The following PLCD4 variants were observed in gnomAD, a reference collection of about 807,000 sequenced individuals.
The protein encoded by PLCD4 is 1-phosphatidylinositol 4,5-bisphosphate phosphodiesterase delta-4.
PLCD4 carries 63 observed loss-of-function variants against 90.2 expected under a neutral mutation model. That is an observed-to-expected ratio of 0.70 (90% CI 0.57 to 0.86). The LOEUF is 0.86. Ranked by LOEUF, PLCD4 falls within the 40% of genes least tolerant of loss-of-function variation. The pLI, the probability that PLCD4 is intolerant of heterozygous loss-of-function variation, is 0.00. For missense variants in PLCD4, 830 were observed against 956.3 expected (o/e 0.87, Z 1.74); for synonymous variants, 294 against 356.5 (o/e 0.82, Z 1.97).
In PLCD4 at chr2:218,636,884, A is replaced by G. The variant is rs1040524618; in HGVS notation, c.*307A>G. Reference sequence around the variant, plus strand: ...GGCTCAATCCCATACCGACATCTACAACTAATCTTTCCCATCAACTCTGTG... The same window carrying G: ...GGCTCAATCCCATACCGACATCTACGACTAATCTTTCCCATCAACTCTGTG... On this transcript the variant is annotated 3_prime_UTR_variant, in exon 16 of 16. Coordinates refer to ENST00000450993, the MANE Select transcript of PLCD4 (RefSeq NM_032726.4). 2.1e-6 allele frequency: 1 copy of G among 485,514 alleles called. No homozygotes were observed. Among genetic ancestry groups the G allele is most frequent in the Non-Finnish European group, 4.0e-6 (1 of 246,986 alleles). 30.1% of individuals were successfully genotyped at this position (485,514 alleles called of 1,614,324 possible).
chr2:218,619,349 A>G (rs1695770204), intron 4 of PLCD4, among the ~76,000 whole-genome samples: 1 of 151,818 alleles, frequency 6.6e-6, no homozygotes, highest in Non-Finnish European at 1.5e-5. Flanking sequence ...GCTGGAGTGC[A>G]GTAGCACAAT....
chr2:218,623,775 C>T (rs900445580), intron 6 of PLCD4, among the ~76,000 whole-genome samples: 4 of 152,164 alleles, frequency 2.6e-5, no homozygotes, highest in African/African-American at 7.2e-5. Context: ...CTCTGCCTCC[C>T]GGGTTCAAGC....
intron 1 of PLCD4, among the ~76,000 whole-genome samples, chr2:218,611,495 A>C (rs1313968376): frequency 6.6e-6 from 1 of 152,184 alleles, no homozygotes; most frequent in Non-Finnish European, 1.5e-5. Context: ...TGTGTCCCAG[A>C]GGTGGGAGCT....
intron 3 of PLCD4, among the ~76,000 whole-genome samples, chr2:218,617,594 CA>C (rs58704392): frequency 0.55 from 82,088 of 150,270 alleles, 22,829 homozygotes; most frequent in East Asian, 0.78. Flanking sequence ...CAAAATAAAA[CA>C]AAAAAAAAAT....
chr2:218,616,934 A>ATATATATATATATG (rs1199144362), intron 3 of PLCD4, among the ~76,000 whole-genome samples: 1 of 17,442 alleles, frequency 5.7e-5, no homozygotes, highest in Admixed American at 4.8e-4. Context: ...ATATAGAGAG[A>ATATATATATATATG]GAGAGAGAGA....
rs532015001 is a variant in PLCD4 at position 218,624,864 on chromosome 2, A to G, written c.772+1986A>G. ...TGTGGCTCATGCTTGGAATCCCAGC[A>G]CTTTGGGAGGCCGAGGCAGGAGGAT... is the stretch of plus-strand genomic sequence containing the variant. On this transcript the variant is annotated intron_variant, in intron 6 of 15. Transcript: ENST00000450993. Among the ~76,000 whole-genome samples the G allele has an allele frequency of 1.2e-3, 188 of 152,174 alleles. 1 individual carries two copies. The highest frequency in any genetic ancestry group is 4.3e-3 in the African/African-American group (179 of 41,544).
intron 1 of PLCD4, among the ~76,000 whole-genome samples, chr2:218,610,435 G>A (rs1034739643): frequency 1.3e-5 from 2 of 152,018 alleles, no homozygotes; most frequent in Non-Finnish European, 2.9e-5. Context: ...TTGAACCCAG[G>A]AGGCGGAGGT....
Position 218,635,932 on chromosome 2 carries a change from G to T in PLCD4, c.2032+1G>T. 6.2e-7 allele frequency: 1 copy of T among 1,614,052 alleles called. No individual in the cohort carries two copies. The highest frequency in any genetic ancestry group is 8.5e-7 in the Non-Finnish European group (1 of 1,179,908). ...GAGACCAACTATGTGGAGAACAATG[G>T]TGAGAAACTGGCAGTGCTGGGGAGG... On this transcript the variant is annotated splice_donor_variant, in intron 14 of 15. Transcript: ENST00000450993. LOFTEE classifies it high-confidence loss of function.
chr2:218,635,729 T>C, intron 13 of PLCD4, 67 bp from the exon 14 acceptor site: 2 of 1,547,642 alleles, frequency 1.3e-6, no homozygotes, highest in Non-Finnish European at 8.7e-7. Context: ...TCCCCTGGGG[T>C]TGGGAGTAGG....
At chr2:218,627,408 C>T (rs963469261) in intron 6 of PLCD4, among the ~76,000 whole-genome samples, 1 of 151,600 alleles carries the variant, frequency 6.6e-6, no homozygotes, top group African/African-American at 2.4e-5. Context: ...CAGAATAAAA[C>T]GTTTTTCTCT....
At chr2:218,612,490 C>G (rs1695383888) in intron 1 of PLCD4, among the ~76,000 whole-genome samples, 1 of 152,204 alleles carries the variant, frequency 6.6e-6, no homozygotes, top group African/African-American at 2.4e-5. Context: ...AGAGGCTTCT[C>G]TAGGCGGGGC....
At chr2:218,616,928 A>AT (rs57351654) in intron 3 of PLCD4, among the ~76,000 whole-genome samples, 1 of 10,442 alleles carries the variant, frequency 9.6e-5, no homozygotes, top group Non-Finnish European at 1.7e-4. Context: ...ATATATATAT[A>AT]GAGAGAGAGA....
chr2:218,633,078 T>C (rs541098314), intron 10 of PLCD4, among the ~76,000 whole-genome samples: 3 of 152,104 alleles, frequency 2.0e-5, no homozygotes, highest in Admixed American at 6.6e-5. Context: ...TGTCCAGGGA[T>C]GGAAATGGGA....
intron 1 of PLCD4, among the ~76,000 whole-genome samples, chr2:218,608,629 G>T (rs1171915570): frequency 1.3e-5 from 2 of 152,126 alleles, no homozygotes; most frequent in Non-Finnish European, 2.9e-5. Flanking sequence ...CTAGCTACGG[G>T]ACCTGGAGCC....
chr2:218,631,698 CAGG>C (rs1315025171), intron 9 of PLCD4, among the ~76,000 whole-genome samples: 2 of 150,884 alleles, frequency 1.3e-5, no homozygotes, highest in Non-Finnish European at 2.9e-5. Context: ...GAAGCTGAGG[CAGG>C]AGAATTGCTT....
Position 218,636,592 on chromosome 2 carries a change from G to C in PLCD4, c.*15G>C, listed in dbSNP as rs201287573. On this transcript the variant is annotated 3_prime_UTR_variant, in exon 16 of 16. Transcript: ENST00000450993. ...ATGAGTCCTGAGGTGGGCATTTCAC[G>C]GGAAGGGTTGGTGTGCTGGCTTTAG... The C allele has an allele frequency of 4.3e-6, 7 of 1,611,020 alleles. No individual in the cohort carries two copies. Among genetic ancestry groups the C allele is most frequent in the Non-Finnish European group, 5.9e-6 (7 of 1,177,496 alleles).
intron 3 of PLCD4, among the ~76,000 whole-genome samples, chr2:218,616,974 A>G (rs1438334640): frequency 1.8e-5 from 2 of 112,136 alleles, no homozygotes; most frequent in Admixed American, 9.0e-5. Flanking sequence ...AGAGAGAGAG[A>G]GAGAGAGAGA....
intron 3 of PLCD4, among the ~76,000 whole-genome samples, chr2:218,616,968 A>AGAGAGAGAGAT (rs1695639535): frequency 9.1e-6 from 1 of 109,656 alleles, no homozygotes; most frequent in African/African-American, 3.2e-5. Flanking sequence ...AGAGAGAGAG[A>AGAGAGAGAGAT]GAGAGAGAGA....
chr2:218,629,667 G>T lies in PLCD4; in HGVS notation c.1119+4G>T, dbSNP rs1425646302. On this transcript the variant is annotated splice_donor_region_variant and intron_variant, in intron 8 of 15. Transcript: ENST00000450993. ...AGTAGCACAGTATGCCTTCCAGGTA[G>T]TAGCCCCAGGATGGGGACACTGGTG... 6.2e-7 allele frequency: 1 copy of T among 1,611,962 alleles called. No individual in the cohort carries two copies. The highest frequency in any genetic ancestry group is 8.5e-7 in the Non-Finnish European group (1 of 1,178,596).
Sources: gnomAD v4.1 joint callset for allele counts (sites outside exome capture counted in the v4.1 genomes callset) on GRCh38, gnomAD v4.1.1 for gene constraint, MANE v1.5 for transcripts, NCBI Gene and HGNC (gene_info 2026-07-23, HGNC 2026-07-21) for gene names.